The following REDIC1 variants were observed in gnomAD, a reference collection of about 807,000 sequenced individuals.
The protein encoded by REDIC1 is regulator of DNA class I crossover intermediates 1, also known as HEI10 Interacting Protein 1.
the REDIC1 span, chr12:39,864,615 C>A: frequency 9.0e-7 from 1 of 1,108,544 alleles, no homozygotes. Context: ...GGGCCCCTCT[C>A]TACCACCTTT....
the REDIC1 span, among the ~76,000 whole-genome samples, chr12:39,705,442 C>T: frequency 6.6e-6 from 1 of 152,028 alleles, no homozygotes; most frequent in Non-Finnish European, 1.5e-5. Context: ...GGATGAGGGA[C>T]TACTTCCAAA....
chr12:39,796,571 C>T, the REDIC1 span, among the ~76,000 whole-genome samples: 2 of 151,930 alleles, frequency 1.3e-5, no homozygotes, highest in Admixed American at 6.6e-5. Flanking sequence ...GGCACAAGGT[C>T]CTAGTGATAG....
At chr12:39,896,056 A>G in the REDIC1 span, among the ~76,000 whole-genome samples, 855 of 129,682 alleles carry the variant, frequency 6.6e-3, 15 homozygotes, top group African/African-American at 0.024. Context: ...GCATGTATAT[A>G]TGCATACATA....
the REDIC1 span, among the ~76,000 whole-genome samples, chr12:39,853,304 G>C: frequency 6.6e-6 from 1 of 152,030 alleles, no homozygotes; most frequent in Admixed American, 6.6e-5. Flanking sequence ...GAACCACTGT[G>C]GGTGATCTAA....
chr12:39,853,748 A>G, the REDIC1 span, among the ~76,000 whole-genome samples: 82 of 152,268 alleles, frequency 5.4e-4, no homozygotes, highest in Non-Finnish European at 5.7e-4. Context: ...AAGTAAATTT[A>G]AAGAAAATAA....
chr12:39,881,241 C>T, the REDIC1 span, among the ~76,000 whole-genome samples: 1 of 151,936 alleles, frequency 6.6e-6, no homozygotes, highest in Admixed American at 6.6e-5. Context: ...AAAGATTTTG[C>T]CCTTGGGTTT....
the REDIC1 span, among the ~76,000 whole-genome samples, chr12:39,631,052 C>A: frequency 1.3e-5 from 2 of 152,108 alleles, no homozygotes; most frequent in Non-Finnish European, 2.9e-5. Flanking sequence ...CTATGCCCAG[C>A]TAATTTTTTG....
chr12:39,830,508 T>C, the REDIC1 span: 1 of 1,104,158 alleles, frequency 9.1e-7, no homozygotes, highest in Non-Finnish European at 1.1e-6. Context: ...CCCATCAATC[T>C]GGAGCAAATA....
At chr12:39,809,284 C>T in the REDIC1 span, among the ~76,000 whole-genome samples, 6 of 152,130 alleles carry the variant, frequency 3.9e-5, no homozygotes, top group African/African-American at 1.4e-4. Context: ...GTCTATTTTA[C>T]CAACATCACA....
chr12:39,782,107 A>G, the REDIC1 span, among the ~76,000 whole-genome samples: 1 of 152,216 alleles, frequency 6.6e-6, no homozygotes, highest in African/African-American at 2.4e-5. Flanking sequence ...ATCTTAGGAC[A>G]TAAAGACAAA....
chr12:39,670,152 C>T, the REDIC1 span, among the ~76,000 whole-genome samples: 1 of 152,080 alleles, frequency 6.6e-6, no homozygotes. Context: ...ACGCTGGGAG[C>T]TGTAGACTGG....
At chr12:39,892,510 CA>C in the REDIC1 span, among the ~76,000 whole-genome samples, 1 of 152,148 alleles carries the variant, frequency 6.6e-6, no homozygotes, top group Non-Finnish European at 1.5e-5. Context: ...GAACTTTAGT[CA>C]AAAGATTTTT....
At chr12:39,854,351 G>A in the REDIC1 span, among the ~76,000 whole-genome samples, 1 of 152,098 alleles carries the variant, frequency 6.6e-6, no homozygotes, top group African/African-American at 2.4e-5. Context: ...TTAGTTAACA[G>A]AAACTATTAT....
At chr12:39,868,657 A>G in the REDIC1 span, among the ~76,000 whole-genome samples, 1 of 152,198 alleles carries the variant, frequency 6.6e-6, no homozygotes. Flanking sequence ...GGGGGGAAAA[A>G]CACAATCTTT....
At chr12:39,748,871 T>C in the REDIC1 span, among the ~76,000 whole-genome samples, 1 of 152,072 alleles carries the variant, frequency 6.6e-6, no homozygotes, top group Admixed American at 6.5e-5. Context: ...TTGAAACCAA[T>C]TGGAACAAAG....
At chr12:39,668,672 C>T in the REDIC1 span, among the ~76,000 whole-genome samples, 16 of 152,272 alleles carry the variant, frequency 1.1e-4, no homozygotes, top group African/African-American at 3.8e-4. Context: ...TTCCGTTCTC[C>T]CTGTCACTTT....
the REDIC1 span, among the ~76,000 whole-genome samples, chr12:39,782,319 G>C: frequency 6.6e-5 from 10 of 152,170 alleles, no homozygotes; most frequent in East Asian, 1.9e-3. Context: ...AAGGTACCCA[G>C]GGGGAGCTAA....
the REDIC1 span, among the ~76,000 whole-genome samples, chr12:39,793,722 A>C: frequency 6.6e-6 from 1 of 152,136 alleles, no homozygotes; most frequent in Non-Finnish European, 1.5e-5. Flanking sequence ...GCTCTGAACA[A>C]TTCTCCAGAT....
At chr12:39,771,666 A>G in the REDIC1 span, among the ~76,000 whole-genome samples, 2 of 152,128 alleles carry the variant, frequency 1.3e-5, no homozygotes, top group African/African-American at 4.8e-5. Flanking sequence ...TGTGTGTTGC[A>G]GTAGTAAATG....
Sources: gnomAD v4.1 joint callset for allele counts (sites outside exome capture counted in the v4.1 genomes callset) on GRCh38, gnomAD v4.1.1 for gene constraint, MANE v1.5 for transcripts, NCBI Gene and HGNC (gene_info 2026-07-23, HGNC 2026-07-21) for gene names.